Variants in PRRG2 observed in about 807,000 individuals in gnomAD.
The protein encoded by PRRG2 is transmembrane gamma-carboxyglutamic acid protein 2.
A neutral mutation model predicts 27.1 loss-of-function variants in PRRG2; 23 were observed. The observed-to-expected ratio is 0.85, with a 90% confidence interval of 0.61 to 1.20. The LOEUF (loss-of-function observed/expected upper bound fraction) is 1.20, where lower values mean the gene tolerates loss of function less well. Among genes scored for constraint, PRRG2 ranks in the 50% most tolerant of loss-of-function variants. PRRG2 has a pLI of 0.00. For missense variants in PRRG2, 276 were observed against 254.8 expected (o/e 1.08, Z -0.57); for synonymous variants, 104 against 103.4 (o/e 1.01, Z -0.03).
intron 1 of PRRG2, among the ~76,000 whole-genome samples, chr19:49,582,402 G>A (rs1484189658): frequency 1.3e-5 from 2 of 151,786 alleles, no homozygotes; most frequent in Non-Finnish European, 2.9e-5. Context: ...AGCCTCCCAA[G>A]TAGTTGGGAT....
chr19:49,582,514 A>G (rs1019659628), intron 1 of PRRG2, among the ~76,000 whole-genome samples: 16 of 151,770 alleles, frequency 1.1e-4, no homozygotes, highest in Non-Finnish European at 1.8e-4. Context: ...TAATCCCAGC[A>G]CCAGCACTTT....
chr19:49,588,716 T>A, intron 5 of PRRG2, 84 bp downstream of exon 5: 1 of 1,426,288 alleles, frequency 7.0e-7, no homozygotes, highest in Non-Finnish European at 9.2e-7. Context: ...TGCTAAGGAT[T>A]GGGGGCAGGC....
intron 4 of PRRG2, 43 bp downstream of exon 4, chr19:49,583,995 T>C: frequency 1.9e-6 from 3 of 1,573,378 alleles, no homozygotes; most frequent in South Asian, 2.3e-5. Flanking sequence ...GCAGCTAAGG[T>C]AGTCCCTTCC....
chr19:49,584,210 G>A (rs1354290419), intron 4 of PRRG2, among the ~76,000 whole-genome samples: 4 of 135,550 alleles, frequency 3.0e-5, no homozygotes, highest in East Asian at 2.2e-4. Flanking sequence ...TCGCTCTGTT[G>A]CCCAGGCCGG....
chr19:49,584,878 T>G (rs1265746177), intron 4 of PRRG2, among the ~76,000 whole-genome samples: 1 of 152,188 alleles, frequency 6.6e-6, no homozygotes, highest in African/African-American at 2.4e-5. Context: ...ACCTGAACCC[T>G]TCCCTGGTGT....
intron 5 of PRRG2, among the ~76,000 whole-genome samples, chr19:49,589,128 T>C (rs918565156): frequency 2.5e-3 from 367 of 146,838 alleles, no homozygotes; most frequent in African/African-American, 8.6e-3. Context: ...GCTGTCTTTT[T>C]TTTTTTTTTT....
intron 4 of PRRG2, among the ~76,000 whole-genome samples, chr19:49,587,896 G>C (rs1056308024): frequency 1.3e-5 from 2 of 152,102 alleles, no homozygotes; most frequent in African/African-American, 4.8e-5. Context: ...TGGGATTATA[G>C]GCATGAGCTA....
Position 49,590,061 on chromosome 19 carries a change from C to T in PRRG2, c.590+9C>T, listed in dbSNP as rs1453190851. ...CCACCCCCCTACACCAGGTATGGGG[C>T]GTGGCTTCTGCCCGGGGGCGGGGCG... is the stretch of plus-strand genomic sequence containing the variant. On this transcript the variant is annotated intron_variant, in intron 6 of 6. Coordinates refer to ENST00000246794, the MANE Select transcript of PRRG2 (RefSeq NM_000951.3). 2 of 1,486,514 alleles carry T rather than the reference C, an allele frequency of 1.3e-6. No individual in the cohort carries two copies. The highest frequency in any genetic ancestry group is 4.5e-5 in the Admixed American group (2 of 43,992). 92.1% of individuals were successfully genotyped at this position (1,486,514 alleles called of 1,614,324 possible).
rs375904327 is a variant in PRRG2, at chr19:49,583,978, G to C, written c.301+26G>C. The C allele has an allele frequency of 7.6e-5, 122 of 1,607,240 alleles. 1 individual carries two copies. In the African/African-American group the frequency reaches 1.3e-3, roughly 17 times the overall value. On this transcript the variant is annotated intron_variant, in intron 4 of 6. Coordinates refer to ENST00000246794, the MANE Select transcript of PRRG2 (RefSeq NM_000951.3). ...GTGAGTGAGGGGCTGAAGCCATCTT[G>C]TTCTGTGCAGCTAAGGTAGTCCCTT...
Position 49,583,915 on chromosome 19 carries a change from G to A in PRRG2, c.264G>A (p.Glu88=). Residue 88 remains glutamate (E), a splice_region_variant and synonymous_variant, in exon 4 of 7, where the codon GAG becomes GAA. Transcript: ENST00000246794. The part of the protein sequence containing the change: ...REYFEDNTLT[E]RFWESYIYNG... ...TTTTCCACTCCTTCCCCCTCAAGGAGCGCTTTTGGGAGAGCTACATCTACA... is the reference window on the plus strand; with the variant it reads ...TTTTCCACTCCTTCCCCCTCAAGGAACGCTTTTGGGAGAGCTACATCTACA... 6.2e-7 allele frequency: 1 copy of A among 1,613,948 alleles called. No homozygotes were observed. The highest frequency in any genetic ancestry group is 8.5e-7 in the Non-Finnish European group (1 of 1,179,916).
At chr19:49,582,234 C>CGA (rs1314966989) in intron 1 of PRRG2, among the ~76,000 whole-genome samples, 1 of 100,286 alleles carries the variant, frequency 1.0e-5, no homozygotes, top group African/African-American at 4.7e-5. Flanking sequence ...GAGCGAGACT[C>CGA]TGTCTAAAAA....
chr19:49,581,528 A>G (rs1240815940), intron 1 of PRRG2, 47 bp downstream of exon 1: 2 of 152,154 alleles, frequency 1.3e-5, no homozygotes, highest in East Asian at 3.9e-4. Context: ...GGACCCAGGC[A>G]TCCTGGCTCC....
chr19:49,581,988 C>T (rs558921247), intron 1 of PRRG2, among the ~76,000 whole-genome samples: 1 of 151,896 alleles, frequency 6.6e-6, no homozygotes, highest in Non-Finnish European at 1.5e-5. Context: ...ACCTGTAATC[C>T]CAGCACTTTG....
At chr19:49,585,403 G>T (rs1489022113) in intron 4 of PRRG2, among the ~76,000 whole-genome samples, 1 of 152,236 alleles carries the variant, frequency 6.6e-6, no homozygotes, top group Non-Finnish European at 1.5e-5. Flanking sequence ...GGCCTAGCGA[G>T]GCGTAGTGGC....
At chr19:49,586,634 C>T (rs570271425) in intron 4 of PRRG2, among the ~76,000 whole-genome samples, 1 of 152,076 alleles carries the variant, frequency 6.6e-6, no homozygotes, top group Admixed American at 6.6e-5. Flanking sequence ...GGGTGGATCA[C>T]GAGGTCAAGA....
At chr19:49,587,160 A>T (rs540524806) in intron 4 of PRRG2, among the ~76,000 whole-genome samples, 1,912 of 134,860 alleles carry the variant, frequency 0.014, 24 homozygotes, top group African/African-American at 0.053. Flanking sequence ...AAAAAAAAAA[A>T]TTTTCTTTTT....
intron 3 of PRRG2, 31 bp from the exon 4 acceptor site, chr19:49,583,882 T>TC (rs1568416196): frequency 6.2e-7 from 1 of 1,612,424 alleles, no homozygotes; most frequent in East Asian, 2.2e-5. Context: ...TCCTGCTTTT[T>TC]CCCCTTCTTT....
rs987137407 is a variant in PRRG2, at chr19:49,583,687, C to T, written c.231C>T (p.Ala77=). 1.8e-5 allele frequency: 29 copies of T among 1,613,966 alleles called. No individual in the cohort carries two copies. The highest frequency in any genetic ancestry group is 2.5e-5 in the Non-Finnish European group (29 of 1,180,008). Residue 77 remains alanine, a synonymous_variant, in exon 3 of 7, where the codon GCC becomes GCT. Transcript: ENST00000246794. ...CLEERCSWEE[A]REYFEDNTLT... ...AAGAGAGGTGTTCCTGGGAAGAGGCCAGGGAGTATTTTGAGGACAACACTC... is the reference window on the plus strand; with the variant it reads ...AAGAGAGGTGTTCCTGGGAAGAGGCTAGGGAGTATTTTGAGGACAACACTC...
At chr19:49,586,238 C>T (rs920845031) in intron 4 of PRRG2, among the ~76,000 whole-genome samples, 6 of 151,724 alleles carry the variant, frequency 4.0e-5, no homozygotes, top group Non-Finnish European at 7.4e-5. Context: ...TGCACCACCA[C>T]GCCCAGATAC....
Sources: gnomAD v4.1 joint callset for allele counts (sites outside exome capture counted in the v4.1 genomes callset) on GRCh38, gnomAD v4.1.1 for gene constraint, MANE v1.5 for transcripts, NCBI Gene and HGNC (gene_info 2026-07-23, HGNC 2026-07-21) for gene names.